The following EYS variants were observed in gnomAD, a reference collection of about 807,000 sequenced individuals.
EYS encodes protein eyes shut homolog.
A neutral mutation model predicts 282.1 loss-of-function variants in EYS; 250 were observed. That is an observed-to-expected ratio of 0.89 (90% CI 0.80 to 0.98). The LOEUF (loss-of-function observed/expected upper bound fraction) is 0.98, where lower values mean the gene tolerates loss of function less well. EYS is among the 50% of genes least tolerant of loss of function. The probability of loss-of-function intolerance (pLI) is 0.00; values close to 1 mark genes in which losing one functional copy is unlikely to be tolerated. For missense variants in EYS, 4,016 were observed against 3,709.0 expected (o/e 1.08, Z -2.15); for synonymous variants, 1,355 against 1,282.9 (o/e 1.06, Z -1.20).
intron 35 of EYS, among the ~76,000 whole-genome samples, chr6:63,952,019 C>A (rs1364988768): frequency 6.6e-6 from 1 of 152,236 alleles, no homozygotes; most frequent in Non-Finnish European, 1.5e-5. Context: ...ACTCAACTAA[C>A]CTCACCTTCA....
chr6:64,322,549 C>A (rs1770254813), intron 29 of EYS, among the ~76,000 whole-genome samples: 1 of 151,956 alleles, frequency 6.6e-6, no homozygotes, highest in Non-Finnish European at 1.5e-5. Context: ...AAGTGTTGAT[C>A]TTGACATTTC....
At chr6:64,459,262 G>A (rs1018306272) in intron 26 of EYS, among the ~76,000 whole-genome samples, 2 of 152,108 alleles carry the variant, frequency 1.3e-5, no homozygotes, top group African/African-American at 4.8e-5. Context: ...AGGCTATACA[G>A]AGTTTCATAA....
rs576139091 is a variant in EYS at position 64,684,137 on chromosome 6, A to G, written c.3444-57892T>C. ...AAAGAAAATATCTTAAAAGCAATAC[A>G]ATATCTTGTATTCTATACAAGAGAA... On this transcript the variant is annotated intron_variant, in intron 22 of 42. Coordinates refer to ENST00000503581, the MANE Select transcript of EYS (RefSeq NM_001142800.2). Among the ~76,000 whole-genome samples the G allele has an allele frequency of 1.2e-3, 184 of 152,298 alleles. 1 individual carries two copies. The highest frequency in any genetic ancestry group is 2.4e-4 in the Non-Finnish European group (16 of 68,020).
intron 12 of EYS, among the ~76,000 whole-genome samples, chr6:65,194,410 T>A (rs972271111): frequency 6.6e-6 from 1 of 151,908 alleles, no homozygotes; most frequent in Non-Finnish European, 1.5e-5. Context: ...ATGTTAAATT[T>A]AAGTTTTAAA....
chr6:63,839,552 T>G (rs112187668), intron 36 of EYS, among the ~76,000 whole-genome samples: 2 of 152,326 alleles, frequency 1.3e-5, no homozygotes, highest in Non-Finnish European at 2.9e-5. Flanking sequence ...TCTCACTATA[T>G]GGCCCAGAGT....
At chr6:65,182,268 A>G (rs553615417) in intron 12 of EYS, among the ~76,000 whole-genome samples, 2 of 151,394 alleles carry the variant, frequency 1.3e-5, no homozygotes, top group South Asian at 4.1e-4. Context: ...GGGGTGTTAA[A>G]TGTTAAAAGA....
chr6:65,301,397 C>A (rs555244734), intron 11 of EYS, among the ~76,000 whole-genome samples: 24 of 152,338 alleles, frequency 1.6e-4, no homozygotes, highest in Admixed American at 1.2e-3. Context: ...AGAACCCTCG[C>A]GCCCTGCGTC....
rs1770981564 is a variant in EYS, at chr6:64,339,014, C to T, written c.6079-31932G>A. Among the ~76,000 whole-genome samples the T allele has an allele frequency of 2.0e-5, 3 of 151,954 alleles. No individual in the cohort carries two copies. In the South Asian group the frequency reaches 6.2e-4, roughly 31 times the overall value. ...ATGGATTAAGGACTTAAATCTAAGA[C>T]CTGAAACTATAAAAATTCTAGAAGA... On this transcript the variant is annotated intron_variant, in intron 29 of 42. Coordinates refer to ENST00000503581, the MANE Select transcript of EYS (RefSeq NM_001142800.2).
chr6:65,428,719 T>A (rs1767758107), intron 5 of EYS, among the ~76,000 whole-genome samples: 1 of 152,096 alleles, frequency 6.6e-6, no homozygotes, highest in African/African-American at 2.4e-5. Flanking sequence ...TAATCTTACA[T>A]CATATTGGGA....
intron 31 of EYS, among the ~76,000 whole-genome samples, chr6:64,197,588 T>C (rs1371275989): frequency 6.6e-6 from 1 of 152,154 alleles, no homozygotes; most frequent in Non-Finnish European, 1.5e-5. Context: ...TCAGAAATAG[T>C]TTCCTCAAAT....
At chr6:64,341,054 C>G (rs950778906) in intron 29 of EYS, among the ~76,000 whole-genome samples, 1 of 151,404 alleles carries the variant, frequency 6.6e-6, no homozygotes, top group African/African-American at 2.4e-5. Flanking sequence ...TATAAAAAAT[C>G]GAAAACAACA....
intron 8 of EYS, among the ~76,000 whole-genome samples, chr6:65,359,988 CTCA>C (rs1223927930): frequency 6.6e-6 from 1 of 151,954 alleles, no homozygotes; most frequent in Non-Finnish European, 1.5e-5. Context: ...GGTTTCAAAT[CTCA>C]TCAATTGTTA....
rs1561912503 is a variant in EYS, at chr6:64,295,510, GAAAGAAGAAAGAAGA to G, written c.6191+11445_6191+11459del. 5.9e-4 allele frequency among the ~76,000 whole-genome samples: 13 copies of G among 21,930 alleles called. 2 individuals carry two copies. The highest frequency in any genetic ancestry group is 3.8e-3 in the East Asian group (6 of 1,574). The allele number at this position is 21,930 out of a possible 152,430, so 14.4% of individuals were successfully genotyped here. A position where few individuals can be genotyped will look rare whatever the true frequency, so the allele number is the denominator to read the frequency against. ...AAGAAGAAGAAGAAAGAAGAAAGAA[GAAAGAAGAAAGAAGA>G]AAGAAGAAGAAAGAAGAAGAAAGAA... On this transcript the variant is annotated intron_variant, in intron 30 of 42. Transcript: ENST00000503581.
rs780154959 is a variant in EYS at position 63,744,569 on chromosome 6, CTTTT to C, written c.8071+17888_8072-17890del. 5.5e-5 allele frequency: 8 copies of C among 146,442 alleles called. No homozygotes were observed. In the East Asian group the frequency reaches 5.9e-4, roughly 11 times the overall value. 9.1% of individuals were successfully genotyped at this position (146,442 alleles called of 1,614,324 possible). The stretch of plus-strand genomic sequence containing the variant: ...ACTGGTCAGAAGGGCTTCTTTCTTT[CTTTT>C]TTTTTTTTTTCTGAGACAGAGTTCT... On this transcript the variant is annotated intron_variant, in intron 41 of 42. Transcript: ENST00000503581.
At chr6:63,961,269 A>T (rs567389108) in intron 35 of EYS, among the ~76,000 whole-genome samples, 38 of 152,286 alleles carry the variant, frequency 2.5e-4, no homozygotes, top group Non-Finnish European at 5.3e-4. Flanking sequence ...GGCCTGAAGC[A>T]AGTGAAGAAT....
rs967378383 is a variant in EYS at position 64,320,868 on chromosome 6, C to T, written c.6079-13786G>A. On this transcript the variant is annotated intron_variant, in intron 29 of 42. Coordinates refer to ENST00000503581, the MANE Select transcript of EYS (RefSeq NM_001142800.2). ...CAATTACTCATTCATGGCCAGAAAA[C>T]CTATATGCTTTTTAAAAAATAAATT... 5.3e-5 allele frequency among the ~76,000 whole-genome samples: 8 copies of T among 151,654 alleles called. No homozygotes were observed. In the East Asian group the frequency reaches 1.5e-3, roughly 29 times the overall value.
At chr6:65,641,927 G>T (rs1767288696) in intron 1 of EYS, among the ~76,000 whole-genome samples, 3 of 152,126 alleles carry the variant, frequency 2.0e-5, no homozygotes, top group Admixed American at 2.0e-4. Context: ...ATCTCACAGA[G>T]TAATCCACGA....
chr6:63,750,407 CCTT>C (rs1188614994), intron 41 of EYS, among the ~76,000 whole-genome samples: 1 of 152,188 alleles, frequency 6.6e-6, no homozygotes, highest in African/African-American at 2.4e-5. Context: ...CAGGAGAAGA[CCTT>C]CTTTAATCAG....
chr6:64,023,651 C>T (rs1020667614), intron 33 of EYS, among the ~76,000 whole-genome samples: 2 of 152,268 alleles, frequency 1.3e-5, no homozygotes, highest in Admixed American at 6.5e-5. Context: ...TCGGCACCTC[C>T]TTTGCCTGGG....
Sources: gnomAD v4.1 joint callset for allele counts (sites outside exome capture counted in the v4.1 genomes callset) on GRCh38, gnomAD v4.1.1 for gene constraint, MANE v1.5 for transcripts, NCBI Gene and HGNC (gene_info 2026-07-23, HGNC 2026-07-21) for gene names.